PEX7: variants seen among roughly 807,000 people sequenced by gnomAD.
The protein encoded by PEX7 is PTS2 receptor.
PEX7 carries 34 observed loss-of-function variants against 47.5 expected under a neutral mutation model. The ratio of observed to expected loss-of-function variants is 0.72; its 90% CI spans 0.54 to 0.95. The LOEUF (loss-of-function observed/expected upper bound fraction) is 0.95, where lower values mean the gene tolerates loss of function less well. Ranked by LOEUF, PEX7 falls within the 40% of genes least tolerant of loss-of-function variation. PEX7 has a pLI of 0.00. For missense variants in PEX7, 394 were observed against 400.3 expected (o/e 0.98, Z 0.13); for synonymous variants, 141 against 148.8 (o/e 0.95, Z 0.38).
At chr6:136,898,107 G>A (rs779890036) in intron 8 of PEX7, 35 bp from the exon 9 acceptor site, 3 of 1,238,258 alleles carry the variant, frequency 2.4e-6, no homozygotes, top group Non-Finnish European at 3.6e-6. Flanking sequence ...GGTAGTTTTA[G>A]CATTTAAATT....
At chr6:136,859,277 G>A (rs182749715) in intron 5 of PEX7, among the ~76,000 whole-genome samples, 1 of 152,262 alleles carries the variant, frequency 6.6e-6, no homozygotes, top group African/African-American at 2.4e-5. Context: ...GTTGCCTAAA[G>A]ACATTGCATT....
At chr6:136,893,343 G>T (rs994740550) in intron 8 of PEX7, among the ~76,000 whole-genome samples, 7 of 152,060 alleles carry the variant, frequency 4.6e-5, no homozygotes, top group African/African-American at 1.7e-4. Context: ...CAGGCTCCTT[G>T]CAGACAAGCA....
intron 5 of PEX7, among the ~76,000 whole-genome samples, chr6:136,850,973 T>A (rs1223826410): frequency 9.6e-5 from 12 of 125,276 alleles, no homozygotes; most frequent in East Asian, 4.4e-4. Context: ...TGCTGTCTTT[T>A]TTTTTTATTT....
intron 5 of PEX7, among the ~76,000 whole-genome samples, chr6:136,862,812 G>A (rs970595431): frequency 7.2e-5 from 11 of 152,134 alleles, no homozygotes; most frequent in African/African-American, 2.7e-4. Flanking sequence ...ACTGTGGTTG[G>A]TCTTGCCTGG....
Position 136,826,449 on chromosome 6 carries a change from T to C in PEX7, c.319T>C (p.Tyr107His). ...CAAAGCTGCAGGGCCACTGCAAGTC[T>C]ATAAAGAACACGCTCAGGAGGTAGG... ...TAKAAGPLQV[Y>H]KEHAQEVYSV... Residue 107 changes from tyrosine (Y) to histidine (H), a missense_variant, in exon 3 of 10, where the codon TAT (tyrosine) becomes CAT (histidine). Coordinates refer to ENST00000318471, the MANE Select transcript of PEX7 (RefSeq NM_000288.4). 1 of 1,614,038 alleles carries C rather than the reference T, an allele frequency of 6.2e-7. No homozygotes were observed. Among genetic ancestry groups the C allele is most frequent in the Admixed American group, 1.7e-5 (1 of 60,000 alleles).
intron 5 of PEX7, 93 bp from the exon 6 acceptor site, chr6:136,866,534 T>G: frequency 1.0e-6 from 1 of 999,296 alleles, no homozygotes; most frequent in Non-Finnish European, 1.6e-6. Context: ...CTGAAAGCAG[T>G]GTATTTTTAC....
At chr6:136,823,328 C>T (rs1369279969) in intron 1 of PEX7, 2 of 985,318 alleles carry the variant, frequency 2.0e-6, no homozygotes, top group South Asian at 4.7e-5. Context: ...TGAAATATAT[C>T]AAGTTCAGTT....
chr6:136,870,760 G>T (rs931847729), intron 7 of PEX7: 1 of 403,898 alleles, frequency 2.5e-6, no homozygotes, highest in Non-Finnish European at 4.9e-6. Flanking sequence ...ACCCAGACAC[G>T]ATCTCAGCTC....
intron 9 of PEX7, among the ~76,000 whole-genome samples, chr6:136,912,590 C>T (rs1288568454): frequency 6.6e-6 from 1 of 152,124 alleles, no homozygotes; most frequent in Non-Finnish European, 1.5e-5. Flanking sequence ...TTGTCTTTAT[C>T]CTAATCCTGC....
At chr6:136,883,069 A>G (rs996797748) in intron 8 of PEX7, among the ~76,000 whole-genome samples, 1 of 152,148 alleles carries the variant, frequency 6.6e-6, no homozygotes, top group Admixed American at 6.6e-5. Flanking sequence ...GTCACTTATG[A>G]TTGATTATGA....
chr6:136,822,952 C>G, intron 1 of PEX7, 157 bp downstream of exon 1: 13 of 985,480 alleles, frequency 1.3e-5, no homozygotes, highest in Non-Finnish European at 1.6e-5. Flanking sequence ...GGCGCTTCTC[C>G]TTTCTTTGCC....
intron 3 of PEX7, among the ~76,000 whole-genome samples, chr6:136,831,989 A>C (rs571281914): frequency 6.6e-6 from 1 of 152,100 alleles, no homozygotes; most frequent in South Asian, 2.1e-4. Flanking sequence ...TCTCCTCACA[A>C]CTCCAGTAGG....
At chr6:136,882,175 CTTTTTTT>C (rs35653586) in intron 8 of PEX7, among the ~76,000 whole-genome samples, 1 of 104,324 alleles carries the variant, frequency 9.6e-6, no homozygotes, top group Non-Finnish European at 1.9e-5. Flanking sequence ...TCTTCTTCTT[CTTTTTTT>C]TTTTTTTTTT....
intron 1 of PEX7, among the ~76,000 whole-genome samples, chr6:136,824,778 T>C (rs1774157534): frequency 6.6e-6 from 1 of 152,156 alleles, no homozygotes; most frequent in Non-Finnish European, 1.5e-5. Flanking sequence ...GTGAGATGTG[T>C]TTTAGATTTA....
At chr6:136,865,344 G>A (rs1775043778) in intron 5 of PEX7, among the ~76,000 whole-genome samples, 1 of 152,044 alleles carries the variant, frequency 6.6e-6, no homozygotes, top group Non-Finnish European at 1.5e-5. Flanking sequence ...TGTTGTCTGG[G>A]TTGGAGTGCA....
intron 2 of PEX7, among the ~76,000 whole-genome samples, chr6:136,825,503 G>A (rs1335508869): frequency 6.6e-6 from 1 of 151,970 alleles, no homozygotes. Flanking sequence ...GACCAGCCTC[G>A]TGGGCAACAT....
rs372622937 is a variant in PEX7, at chr6:136,846,812, A to G, written c.526+631A>G. Reference sequence around the variant, plus strand: ...AGCGCCGCAGTAAACATACATATGCATGTCTTTATAGCAGCATGATTTATA... The same window carrying G: ...AGCGCCGCAGTAAACATACATATGCGTGTCTTTATAGCAGCATGATTTATA... On this transcript the variant is annotated intron_variant, in intron 5 of 9. Coordinates refer to ENST00000318471, the MANE Select transcript of PEX7 (RefSeq NM_000288.4). 2.4e-4 allele frequency among the ~76,000 whole-genome samples: 37 copies of G among 152,020 alleles called. 4 individuals carry two copies. Among genetic ancestry groups the G allele is most frequent in the Admixed American group, 9.9e-4 (15 of 15,206 alleles).
intron 8 of PEX7, among the ~76,000 whole-genome samples, chr6:136,881,397 A>T (rs1452236954): frequency 6.6e-6 from 1 of 152,156 alleles, no homozygotes; most frequent in Non-Finnish European, 1.5e-5. Context: ...CACATATAGG[A>T]TCTAGTTCTT....
chr6:136,851,462 C>T (rs1774755589), intron 5 of PEX7, among the ~76,000 whole-genome samples: 1 of 62,794 alleles, frequency 1.6e-5, no homozygotes, highest in South Asian at 9.1e-4. Context: ...AATAAACATA[C>T]GTGTGCATGT....
Sources: gnomAD v4.1 joint callset for allele counts (sites outside exome capture counted in the v4.1 genomes callset) on GRCh38, gnomAD v4.1.1 for gene constraint, MANE v1.5 for transcripts, NCBI Gene and HGNC (gene_info 2026-07-23, HGNC 2026-07-21) for gene names.